Variants in LAT observed in about 807,000 individuals in gnomAD.
LAT encodes the protein linker for activation of T-cells family member 1.
A neutral mutation model predicts 39.1 loss-of-function variants in LAT; 12 were observed. The ratio of observed to expected loss-of-function variants is 0.31; its 90% CI spans 0.20 to 0.50. The LOEUF (loss-of-function observed/expected upper bound fraction) is 0.50, where lower values mean the gene tolerates loss of function less well. LAT is among the 20% of genes least tolerant of loss of function. LAT has a pLI of 0.98. For missense variants in LAT, 253 were observed against 308.0 expected, an observed-to-expected ratio of 0.82 and a Z score of 1.34; for synonymous variants, 117 against 123.8, an observed-to-expected ratio of 0.95 and a Z score of 0.36.
At chr16:28,989,456 G>T in intron 8 of LAT, 71 bp from the exon 9 acceptor site, 1 of 1,399,664 alleles carries the variant, frequency 7.1e-7, no homozygotes, top group Non-Finnish European at 9.9e-7. Context: ...GGCTGAGGTT[G>T]GGGGTTCTCT....
In LAT at chr16:28,986,765, C is replaced by T; in HGVS notation, c.399-34C>T. 2 of 1,610,426 alleles carry T rather than the reference C, an allele frequency of 1.2e-6. No homozygotes were observed. Among genetic ancestry groups the T allele is most frequent in the African/African-American group, 1.3e-5 (1 of 74,938 alleles). ...GGTGAGGGCTGAGGCTGTGCGTCCC[C>T]CCTTGCTCACCGGCCCTTTTCACTT... is the stretch of plus-strand genomic sequence containing the variant. On this transcript the variant is annotated intron_variant, in intron 7 of 11. Transcript: ENST00000395456. This position sits in a 1 kb window ranked among gnomAD's most constrained non-coding sequence, Gnocchi z 5.7.
chr16:28,986,390 C>T lies in LAT; in HGVS notation c.254C>T (p.Pro85Leu), dbSNP rs921362084. 9 of 1,613,544 alleles carry T rather than the reference C, an allele frequency of 5.6e-6. No individual in the cohort carries two copies. The highest frequency in any genetic ancestry group is 3.3e-5 in the South Asian group (3 of 91,082). ...QPDLLPIPRS[P>L]QPLGGSHRTP... ...TGACCTTTGACTCCCAGAAGATCCC[C>T]GCAGCCCCTTGGGGGCTCCCACCGG... Residue 85 changes from proline (P) to leucine (L), a missense_variant, in exon 5 of 12, where the codon CCG becomes CTG. Pro to Leu is a moderately conservative substitution (Grantham distance 98, BLOSUM62 -3). Coordinates refer to ENST00000395456, the MANE Select transcript of LAT (RefSeq NM_001014987.2). This position sits in a 1 kb window ranked among gnomAD's most constrained non-coding sequence, Gnocchi z 5.7.
At chr16:28,989,733 C>T (rs189266054) in intron 9 of LAT, 41 bp from the exon 10 acceptor site, 1 of 1,609,928 alleles carries the variant, frequency 6.2e-7, no homozygotes, top group Non-Finnish European at 8.5e-7. Context: ...CCCTCCTGAC[C>T]CCTTTGCGTG....
At position 28,985,285 on chromosome 16, in the gene LAT, C is replaced by A; in HGVS notation, c.-133C>A. On this transcript the variant is annotated 5_prime_UTR_variant, in exon 1 of 12. Coordinates refer to ENST00000395456, the MANE Select transcript of LAT (RefSeq NM_001014987.2). The surrounding 1 kb of genome is among the most constrained non-coding windows in gnomAD (Gnocchi z 4.6). ...GAGGGCACAGCTGCCTCCTCCCGGG[C>A]TCCCCTGCCACCTGGTGCCTACCTG... 1 of 1,471,196 alleles carries A rather than the reference C, an allele frequency of 6.8e-7. No homozygotes were observed. Among genetic ancestry groups the A allele is most frequent in the African/African-American group, 1.4e-5 (1 of 70,714 alleles). The allele number at this position is 1,471,196 out of a possible 1,614,324, so 91.1% of individuals were successfully genotyped here.
chr16:28,989,547 G>A lies in LAT; in HGVS notation c.514G>A (p.Val172Met), dbSNP rs1378355471. The change falls in exon 9 of 12, where the codon GTG (valine) becomes ATG (methionine). Residue 172 changes from valine to methionine, a missense_variant. By Grantham distance (21) the Val-to-Met change is conservative (BLOSUM62 1). Coordinates refer to ENST00000395456, the MANE Select transcript of LAT (RefSeq NM_001014987.2). The stretch of plus-strand genomic sequence containing the variant: ...CACAGTGGAGTCCATTGATGATTAC[G>A]TGAACGTTCCGGAGAGCGGGGAGAG... ...AFSMESIDDY[V>M]NVPESGESAE... The A allele has an allele frequency of 2.5e-6, 4 of 1,611,084 alleles. No homozygotes were observed. The highest frequency in any genetic ancestry group is 3.4e-6 in the Non-Finnish European group (4 of 1,178,356).
intron 11 of LAT, 79 bp downstream of exon 11, chr16:28,990,098 C>T (rs1965839693): frequency 8.2e-7 from 1 of 1,219,626 alleles, no homozygotes; most frequent in Admixed American, 2.0e-5. Flanking sequence ...CTTGCCCAAC[C>T]CTACCTCTGG....
At position 28,985,846 on chromosome 16, in the gene LAT, T is replaced by C. The variant is rs1965736410; in HGVS notation, c.129-8T>C. The C allele has an allele frequency of 8.1e-6, 13 of 1,614,054 alleles. No individual in the cohort carries two copies. The highest frequency in any genetic ancestry group is 1.1e-5 in the Non-Finnish European group (13 of 1,179,978). ...AGCCCCATCCCCAAGCTGTGTCTCC[T>C]TTACCAGTTTGTATCCAAGGGGCAT... is the stretch of plus-strand genomic sequence containing the variant. On this transcript the variant is annotated splice_polypyrimidine_tract_variant and splice_region_variant and intron_variant, in intron 2 of 11. Transcript: ENST00000395456. This position sits in a 1 kb window ranked among gnomAD's most constrained non-coding sequence, Gnocchi z 4.6.
chr16:28,986,799 G>A lies in LAT; in HGVS notation c.399G>A (p.Leu133=). 6.2e-7 allele frequency: 1 copy of A among 1,613,654 alleles called. No homozygotes were observed. Residue 133 remains leucine, a splice_region_variant and synonymous_variant, in exon 8 of 12, where the codon CTG becomes CTA. Transcript: ENST00000395456. This position sits in a 1 kb window ranked among gnomAD's most constrained non-coding sequence, Gnocchi z 5.7. ...DEDDYHNPGY[L]VVLPDSTPAT... ...ACCGGCCCTTTTCACTTCCTTTCAG[G>A]GTGGTGCTTCCTGACAGCACCCCGG... is the stretch of plus-strand genomic sequence containing the variant.
In LAT at chr16:28,989,984, A is replaced by C; in HGVS notation, c.674A>C (p.Asp225Ala). 1 of 1,613,704 alleles carries C rather than the reference A, an allele frequency of 6.2e-7. No individual in the cohort carries two copies. The highest frequency in any genetic ancestry group is 8.5e-7 in the Non-Finnish European group (1 of 1,179,928). ...AEEVEEEGAP[D>A]YENLQELN ...GAAGTGGAGGAAGAGGGGGCTCCAG[A>C]TTACGAGAATCTGCAGGAGCTGAAC... Residue 225 changes from aspartate to alanine, a missense_variant, in exon 11 of 12, where the codon GAT becomes GCT. Coordinates refer to ENST00000395456, the MANE Select transcript of LAT (RefSeq NM_001014987.2).
chr16:28,990,310 A>T lies in LAT; in HGVS notation c.*129A>T. The stretch of plus-strand genomic sequence containing the variant: ...GCTCCAGCCTGACAACAGCCTGAGA[A>T]ATCCCCCCGTAACTTATTATCACTT... On this transcript the variant is annotated 3_prime_UTR_variant, in exon 12 of 12. Transcript: ENST00000395456. 1 of 631,250 alleles carries T rather than the reference A, an allele frequency of 1.6e-6. No homozygotes were observed. The highest frequency in any genetic ancestry group is 2.9e-6 in the Non-Finnish European group (1 of 340,058). The allele number at this position is 631,250 out of a possible 1,614,324, so 39.1% of individuals were successfully genotyped here. A position where few individuals can be genotyped will look rare whatever the true frequency, so the allele number is the denominator to read the frequency against.
chr16:28,985,133 G>A lies in LAT; in HGVS notation c.-285G>A. The A allele has an allele frequency of 7.0e-7, 1 of 1,427,704 alleles. No individual in the cohort carries two copies. The highest frequency in any genetic ancestry group is 9.1e-7 in the Non-Finnish European group (1 of 1,095,982). The allele number at this position is 1,427,704 out of a possible 1,614,324, so 88.4% of individuals were successfully genotyped here. On this transcript the variant is annotated 5_prime_UTR_variant, in exon 1 of 12. Transcript: ENST00000395456. This position sits in a 1 kb window ranked among gnomAD's most constrained non-coding sequence, Gnocchi z 4.6. ...AGGGGCAGGTAGGGCTGGGACGCAGGGGTAACTGGATCCCCCGACTTCAGC... is the reference window on the plus strand; with the variant it reads ...AGGGGCAGGTAGGGCTGGGACGCAGAGGTAACTGGATCCCCCGACTTCAGC...
In LAT at chr16:28,986,905, A is replaced by G. The variant is rs766921963; in HGVS notation, c.493+12A>G. 15 of 1,609,610 alleles carry G rather than the reference A, an allele frequency of 9.3e-6. No homozygotes were observed. Among genetic ancestry groups the G allele is most frequent in the East Asian group, 2.2e-5 (1 of 44,806 alleles). ...CAGTGCCTTCTCCAGTGAGTCAGGCATTTGTTTTTATTTTTAAATTTTTTT... is the reference window on the plus strand; with the variant it reads ...CAGTGCCTTCTCCAGTGAGTCAGGCGTTTGTTTTTATTTTTAAATTTTTTT... On this transcript the variant is annotated intron_variant, in intron 8 of 11. Coordinates refer to ENST00000395456, the MANE Select transcript of LAT (RefSeq NM_001014987.2). The surrounding 1 kb of genome is among the most constrained non-coding windows in gnomAD (Gnocchi z 5.7).
In LAT at chr16:28,985,607, G is replaced by A. The variant is rs1037437736; in HGVS notation, c.100+90G>A. 1.9e-6 allele frequency: 3 copies of A among 1,604,414 alleles called. No individual in the cohort carries two copies. The African/African-American group carries it at 4.0e-5, about 21-fold the overall frequency. ...CAGCCCCTGTGTCTGTCCTGGCTCT[G>A]TCCCTGCCTCCGTCCTGATCCCAGC... is the stretch of plus-strand genomic sequence containing the variant. On this transcript the variant is annotated intron_variant, in intron 1 of 11. Transcript: ENST00000395456. The surrounding 1 kb of genome is among the most constrained non-coding windows in gnomAD (Gnocchi z 4.6).
At chr16:28,990,154 T>G (rs765002501) in intron 11 of LAT, 35 bp from the exon 12 acceptor site, 1 of 752,232 alleles carries the variant, frequency 1.3e-6, no homozygotes, top group Non-Finnish European at 2.3e-6. Context: ...GTCAGCCTCC[T>G]GATCCGTATC....
upstream of LAT, chr16:28,984,882 C>T: frequency 6.5e-7 from 1 of 1,549,698 alleles, no homozygotes; most frequent in South Asian, 1.2e-5. Flanking sequence ...CGGCTGCCAG[C>T]TGGCAGGTGG....
In LAT at chr16:28,986,139, G is replaced by GGTT. The variant is rs1567530911; in HGVS notation, c.170_172dup (p.Val57dup). The GGTT allele has an allele frequency of 6.3e-7, 1 of 1,594,414 alleles. No individual in the cohort carries two copies. The highest frequency in any genetic ancestry group is 1.1e-5 in the South Asian group (1 of 87,610). On this transcript the variant is annotated inframe_insertion, in exon 4 of 12. Coordinates refer to ENST00000395456, the MANE Select transcript of LAT (RefSeq NM_001014987.2). The surrounding 1 kb of genome is among the most constrained non-coding windows in gnomAD (Gnocchi z 5.7). ...AACTTGGTTCTGTGTCCTCAGACAC[G>GGTT]GTTGCCCCCTGGCCACCTGCCTACC...
chr16:28,986,175 C>G lies in LAT; in HGVS notation c.204C>G (p.Thr68=). Residue 68 remains threonine, a synonymous_variant, in exon 4 of 12, where the codon ACC becomes ACG. Coordinates refer to ENST00000395456, the MANE Select transcript of LAT (RefSeq NM_001014987.2). The surrounding 1 kb of genome is among the most constrained non-coding windows in gnomAD (Gnocchi z 5.7). The stretch of plus-strand genomic sequence containing the variant: ...GGCCACCTGCCTACCCACCTGTCAC[C>G]TCCTACCCACCCCTGAGCCAGCCAG... ...APWPPAYPPV[T]SYPPLSQPDL... 6.2e-7 allele frequency: 1 copy of G among 1,604,108 alleles called. No individual in the cohort carries two copies. Among genetic ancestry groups the G allele is most frequent in the Non-Finnish European group, 8.5e-7 (1 of 1,174,728 alleles).
At position 28,986,216 on chromosome 16, in the gene LAT, C is replaced by T. The variant is rs41292396; in HGVS notation, c.245C>T (p.Pro82Leu). ...PLSQPDLLPI[P>L]RSPQPLGGSH... ...AGCCAGCCAGACCTGCTCCCCATCC[C>T]GTGAGTAGCTGCTCAGCCCCTGCCC... The change falls in exon 4 of 12, where the codon CCA (proline) becomes CTA (leucine). Residue 82 changes from proline to leucine, a missense_variant and splice_region_variant. Physicochemically the swap from Pro to Leu is moderately conservative, Grantham distance 98. Coordinates refer to ENST00000395456, the MANE Select transcript of LAT (RefSeq NM_001014987.2). This position sits in a 1 kb window ranked among gnomAD's most constrained non-coding sequence, Gnocchi z 5.7. The T allele has an allele frequency of 6.3e-4, 1,003 of 1,595,370 alleles. 1 individual carries two copies. The East Asian group carries it at 6.6e-3, about 11-fold the overall frequency.
rs778655191 is a variant in LAT at position 28,989,568 on chromosome 16, G to A, written c.535G>A (p.Glu179Lys). ...TTACGTGAACGTTCCGGAGAGCGGG[G>A]AGAGCGCAGAAGCGTCTCTGGGTGA... Reference protein sequence around the residue: ...DDYVNVPESGESAEASLDGSR... With the variant: ...DDYVNVPESGKSAEASLDGSR... Residue 179 changes from glutamate (E) to lysine (K), a missense_variant, in exon 9 of 12, where the codon GAG (glutamate) becomes AAG (lysine). Coordinates refer to ENST00000395456, the MANE Select transcript of LAT (RefSeq NM_001014987.2). 115 of 1,611,572 alleles carry A rather than the reference G, an allele frequency of 7.1e-5. No homozygotes were observed. Among genetic ancestry groups the A allele is most frequent in the Non-Finnish European group, 9.4e-5 (111 of 1,178,724 alleles).
Sources: gnomAD v4.1 joint callset for allele counts on GRCh38, gnomAD v4.1.1 for gene constraint, Gnocchi (gnomAD v3.1) non-coding constraint, MANE v1.5 for transcripts, NCBI Gene and HGNC (gene_info 2026-07-23, HGNC 2026-07-21) for gene names.